Variants in RYR2 observed in about 807,000 individuals in gnomAD.
RYR2 encodes cardiac muscle ryanodine receptor-calcium release channel.
In RYR2, 227 loss-of-function variants were observed where a neutral mutation model predicts 601.1. The observed-to-expected ratio is 0.38, with a 90% confidence interval of 0.34 to 0.42. The LOEUF (loss-of-function observed/expected upper bound fraction) is 0.42, where lower values mean the gene tolerates loss of function less well. Among genes scored for constraint, RYR2 ranks in the 10% least tolerant of loss-of-function variants. The pLI, the probability that RYR2 is intolerant of heterozygous loss-of-function variation, is 1.00. For missense variants in RYR2, 4,646 were observed against 6,156.5 expected, an observed-to-expected ratio of 0.75 and a Z score of 8.21; for synonymous variants, 2,223 against 2,175.1, an observed-to-expected ratio of 1.02 and a Z score of -0.61.
intron 78 of RYR2, among the ~76,000 whole-genome samples, chr1:237,732,955 GC>G (rs1366914706): frequency 8.6e-5 from 13 of 152,040 alleles, no homozygotes; most frequent in African/African-American, 2.9e-4. Flanking sequence ...TGACCTCTTT[GC>G]CTGCCATAAT....
chr1:237,760,804 G>A (rs529112732), intron 83 of RYR2, 151 bp from the exon 84 acceptor site: 38 of 327,606 alleles, frequency 1.2e-4, no homozygotes, highest in Non-Finnish European at 1.8e-4. Context: ...AAGAAAATAC[G>A]GTTGGTACGC....
intron 3 of RYR2, among the ~76,000 whole-genome samples, chr1:237,333,338 G>C (rs1344715055): frequency 1.3e-5 from 2 of 152,224 alleles, no homozygotes; most frequent in South Asian, 2.1e-4. Flanking sequence ...ATACTGCTGA[G>C]TATTTTTGAT....
chr1:237,742,468 C>G (rs527248787), intron 80 of RYR2, 119 bp downstream of exon 80: 2 of 778,456 alleles, frequency 2.6e-6, no homozygotes, highest in Admixed American at 2.4e-5. Flanking sequence ...TGTCAAGGAA[C>G]TGCATGTCAG....
rs910106917 is a variant in RYR2 at position 237,491,046 on chromosome 1, T to C, written c.1709-760T>C. ...GAAAACATGAACACAGAGGTACACA[T>C]TTAGCTTTACAAGTTCATGCTAAAA... On this transcript the variant is annotated intron_variant, in intron 17 of 104. Coordinates refer to ENST00000366574, the MANE Select transcript of RYR2 (RefSeq NM_001035.3). 4.6e-5 allele frequency among the ~76,000 whole-genome samples: 7 copies of C among 152,140 alleles called. No homozygotes were observed. In the South Asian group the frequency reaches 1.2e-3, roughly 27 times the overall value.
At chr1:237,204,404 A>C (rs186107495) in intron 1 of RYR2, among the ~76,000 whole-genome samples, 1 of 152,282 alleles carries the variant, frequency 6.6e-6, no homozygotes, top group East Asian at 1.9e-4. Flanking sequence ...TGAATATACT[A>C]GAATTTATTT....
intron 8 of RYR2, among the ~76,000 whole-genome samples, chr1:237,379,075 A>C (rs1701249612): frequency 6.6e-6 from 1 of 152,244 alleles, no homozygotes; most frequent in Non-Finnish European, 1.5e-5. Flanking sequence ...ATGTATGTTA[A>C]GATGATGTAT....
chr1:237,301,788 A>G (rs1693373990), intron 2 of RYR2, among the ~76,000 whole-genome samples: 1 of 152,148 alleles, frequency 6.6e-6, no homozygotes, highest in African/African-American at 2.4e-5. Context: ...ATTAAGAGTT[A>G]TCATTGACCA....
At chr1:237,737,168 A>G (rs761918962) in intron 79 of RYR2, among the ~76,000 whole-genome samples, 2 of 152,202 alleles carry the variant, frequency 1.3e-5, no homozygotes, top group Non-Finnish European at 2.9e-5. Context: ...TTGCCTCCAT[A>G]TTGATTTTGT....
intron 1 of RYR2, among the ~76,000 whole-genome samples, chr1:237,246,413 C>T (rs866622758): frequency 2.6e-5 from 4 of 152,090 alleles, no homozygotes; most frequent in Non-Finnish European, 4.4e-5. Flanking sequence ...TTTCTTTTCT[C>T]GGTTGTTTTG....
chr1:237,054,656 C>T (rs1558151126), intron 1 of RYR2, among the ~76,000 whole-genome samples: 1 of 152,098 alleles, frequency 6.6e-6, no homozygotes. Flanking sequence ...CTCCTTTGAA[C>T]CTGCTGTGAT....
At chr1:237,828,617 C>T (rs1032151839) in intron 102 of RYR2, among the ~76,000 whole-genome samples, 172 bp downstream of exon 102, 3 of 152,280 alleles carry the variant, frequency 2.0e-5, no homozygotes, top group East Asian at 3.9e-4. Context: ...GCTGCGTGGT[C>T]GGCTGAAATT....
intron 1 of RYR2, among the ~76,000 whole-genome samples, chr1:237,228,162 T>C (rs758155546): frequency 1.2e-4 from 18 of 152,172 alleles, no homozygotes; most frequent in Non-Finnish European, 1.9e-4. Context: ...AAGTCCATTG[T>C]GTCATTCTTA....
intron 27 of RYR2, among the ~76,000 whole-genome samples, chr1:237,553,764 T>C (rs80049210): frequency 7.5e-6 from 1 of 132,588 alleles, no homozygotes; most frequent in African/African-American, 2.7e-5. Context: ...TTATTTGATT[T>C]ATCTATATTT....
intron 48 of RYR2, among the ~76,000 whole-genome samples, chr1:237,646,872 T>A (rs1682216888): frequency 6.6e-6 from 1 of 152,148 alleles, no homozygotes; most frequent in Admixed American, 6.5e-5. Flanking sequence ...GTCTCCAGTG[T>A]GTTTGAGGAG....
At chr1:237,665,127 A>C (rs550195607) in intron 56 of RYR2, among the ~76,000 whole-genome samples, 1 of 152,278 alleles carries the variant, frequency 6.6e-6, no homozygotes, top group East Asian at 1.9e-4. Context: ...CAGGCCGGGC[A>C]TGGTGGCTCA....
chr1:237,570,003 G>GT (rs1392206752), intron 29 of RYR2, among the ~76,000 whole-genome samples: 1 of 152,172 alleles, frequency 6.6e-6, no homozygotes, highest in Non-Finnish European at 1.5e-5. Flanking sequence ...GGATCACAAG[G>GT]TCAGGAGTTC....
chr1:237,794,131 TA>T, intron 95 of RYR2, 134 bp downstream of exon 95: 1 of 750,030 alleles, frequency 1.3e-6, no homozygotes, highest in Non-Finnish European at 2.1e-6. Flanking sequence ...AAGAAAAATC[TA>T]AAGACTCAGT....
chr1:237,331,266 A>T (rs1344855520), intron 3 of RYR2, among the ~76,000 whole-genome samples: 2 of 151,970 alleles, frequency 1.3e-5, no homozygotes, highest in Non-Finnish European at 2.9e-5. Flanking sequence ...GTTTCATTAC[A>T]TTTTCAGAGC....
At chr1:237,134,485 A>C (rs1035234153) in intron 1 of RYR2, among the ~76,000 whole-genome samples, 5 of 152,044 alleles carry the variant, frequency 3.3e-5, no homozygotes, top group South Asian at 4.2e-4. Flanking sequence ...CCCTTATAAA[A>C]TCATCAGATC....
Sources: allele counts gnomAD v4.1 joint callset (sites outside exome capture counted in the v4.1 genomes callset), GRCh38; gene constraint gnomAD v4.1.1; transcripts MANE v1.5; gene names NCBI Gene and HGNC (gene_info 2026-07-23, HGNC 2026-07-21).